SYN3: variants seen among roughly 807,000 people sequenced by gnomAD.
SYN3 encodes the protein synapsin-3.
SYN3 carries 35 observed loss-of-function variants against 65.8 expected under a neutral mutation model. That is an observed-to-expected ratio of 0.53 (90% confidence interval 0.41 to 0.70). The LOEUF (loss-of-function observed/expected upper bound fraction) is 0.70. SYN3 is among the 30% of genes least tolerant of loss of function. The pLI, the probability that SYN3 is intolerant of heterozygous loss-of-function variation, is 0.00. For synonymous variants in SYN3, 270 were observed against 292.9 expected, an observed-to-expected ratio of 0.92 and a Z score of 0.80; for missense variants, 680 against 749.0, an observed-to-expected ratio of 0.91 and a Z score of 1.08.
chr22:32,837,183 G>A lies in SYN3; in HGVS notation c.711+27732C>T, dbSNP rs993715853. Among the ~76,000 whole-genome samples the A allele has an allele frequency of 2.4e-4, 37 of 152,214 alleles. No individual in the cohort carries two copies. The highest frequency in any genetic ancestry group is 8.2e-4 in the African/African-American group (34 of 41,468). ...CTGAAAGCTGGAAGTTCTGAGAACC[G>A]TTTGAGGGCATGGTATTTTTCTGGG... On this transcript the variant is annotated intron_variant, in intron 6 of 13. Transcript: ENST00000358763. The surrounding 1 kb of genome is among the most constrained non-coding windows in gnomAD (Gnocchi z 4.1).
intron 1 of SYN3, among the ~76,000 whole-genome samples, chr22:33,033,551 A>G (rs1234859127): frequency 6.6e-6 from 1 of 151,900 alleles, no homozygotes; most frequent in Non-Finnish European, 1.5e-5. Context: ...AGACTCCCCC[A>G]TGGAATGGCC....
intron 6 of SYN3, among the ~76,000 whole-genome samples, chr22:32,714,753 C>T (rs954717867): frequency 1.3e-5 from 2 of 152,192 alleles, no homozygotes; most frequent in Non-Finnish European, 2.9e-5. Context: ...CTGCTACTTC[C>T]TGGCTGTATG....
chr22:32,757,274 A>T (rs2045318601), intron 6 of SYN3, among the ~76,000 whole-genome samples: 2 of 148,536 alleles, frequency 1.3e-5, no homozygotes, highest in Admixed American at 1.3e-4. Flanking sequence ...TGCCATCTGG[A>T]CACTTTGGGC....
chr22:32,965,976 G>A (rs752416695), intron 3 of SYN3, among the ~76,000 whole-genome samples: 2 of 152,112 alleles, frequency 1.3e-5, no homozygotes, highest in African/African-American at 4.8e-5. Flanking sequence ...TTACAGGCAC[G>A]GGCCACCGCG....
intron 3 of SYN3, among the ~76,000 whole-genome samples, chr22:32,970,836 G>C (rs2051998133): frequency 6.6e-6 from 1 of 152,262 alleles, no homozygotes. Flanking sequence ...AAGCTGGAAG[G>C]GGAAAGGCAA....
At chr22:32,622,453 T>C (rs2059608465) in intron 6 of SYN3, among the ~76,000 whole-genome samples, 2 of 152,118 alleles carry the variant, frequency 1.3e-5, no homozygotes, top group South Asian at 4.1e-4. Context: ...CTTTATTGAT[T>C]TGGGACCTGG....
chr22:32,751,228 G>A (rs2045112403), intron 6 of SYN3, among the ~76,000 whole-genome samples: 1 of 152,136 alleles, frequency 6.6e-6, no homozygotes, highest in Non-Finnish European at 1.5e-5. Flanking sequence ...ACCAGCTGTA[G>A]GTCAAATTAG....
chr22:32,596,723 T>G lies in SYN3; in HGVS notation c.725A>C (p.His242Pro), dbSNP rs556300734. 2.2e-5 allele frequency: 36 copies of G among 1,613,636 alleles called. No individual in the cohort carries two copies. In the East Asian group the frequency reaches 7.1e-4, roughly 32 times the overall value. The change falls in exon 7 of 14, where the codon CAC (histidine) becomes CCC (proline). Residue 242 changes from histidine to proline, a missense_variant. Coordinates refer to ENST00000358763, the MANE Select transcript of SYN3 (RefSeq NM_003490.4). ...TCCCAGCTTGACTACCACCGGGAAG[T>G]GTGGGGCTGTGACCTGAAAGAGACA... is the stretch of plus-strand genomic sequence containing the variant. Reference protein sequence around the residue: ...PNHKPMVTAPHFPVVVKLGHA... With the variant: ...PNHKPMVTAPPFPVVVKLGHA...
chr22:32,524,352 G>A (rs7285820), intron 12 of SYN3, among the ~76,000 whole-genome samples: 2,504 of 152,270 alleles, frequency 0.016, 67 homozygotes, highest in African/African-American at 0.057. Context: ...CTCTTGTTGG[G>A]GCTAGTGCAG....
intron 3 of SYN3, among the ~76,000 whole-genome samples, chr22:32,956,869 G>T (rs1412130160): frequency 6.6e-6 from 1 of 152,204 alleles, no homozygotes; most frequent in Non-Finnish European, 1.5e-5. Context: ...GTTCTCCACA[G>T]TGGCTGCCTC....
chr22:32,880,134 T>C (rs1433569252), intron 4 of SYN3, among the ~76,000 whole-genome samples: 1 of 152,240 alleles, frequency 6.6e-6, no homozygotes, highest in African/African-American at 2.4e-5. Context: ...CAGGTGTTAC[T>C]GGTTTGTAAG....
chr22:32,888,780 G>T (rs1392485273), intron 4 of SYN3, among the ~76,000 whole-genome samples: 1 of 152,156 alleles, frequency 6.6e-6, no homozygotes, highest in Non-Finnish European at 1.5e-5. Flanking sequence ...AATGGAAATG[G>T]TCACTGGAGC....
chr22:32,737,354 T>C (rs370608150), intron 6 of SYN3, among the ~76,000 whole-genome samples: 3 of 152,276 alleles, frequency 2.0e-5, no homozygotes, highest in South Asian at 4.1e-4. Flanking sequence ...TTAGGGTACA[T>C]GTGCACAACG....
intron 6 of SYN3, among the ~76,000 whole-genome samples, chr22:32,709,931 T>C (rs964820302): frequency 6.6e-6 from 1 of 151,960 alleles, no homozygotes; most frequent in Non-Finnish European, 1.5e-5. Flanking sequence ...GGTAGTTATT[T>C]AGGTTACTTC....
chr22:32,551,773 G>A (rs1263600727), intron 7 of SYN3, among the ~76,000 whole-genome samples: 1 of 152,166 alleles, frequency 6.6e-6, no homozygotes, highest in African/African-American at 2.4e-5. Context: ...ATATTTATGG[G>A]TGAAATGACT....
intron 7 of SYN3, among the ~76,000 whole-genome samples, chr22:32,589,031 T>TA (rs1191330474): frequency 6.6e-6 from 1 of 152,142 alleles, no homozygotes; most frequent in Non-Finnish European, 1.5e-5. Flanking sequence ...TGCATGTAAT[T>TA]AAAATGGGTA....
intron 12 of SYN3, among the ~76,000 whole-genome samples, chr22:32,524,627 A>T (rs1847674969): frequency 6.6e-6 from 1 of 152,258 alleles, no homozygotes. Flanking sequence ...GATGTACAAG[A>T]TAATTTTGTT....
intron 6 of SYN3, among the ~76,000 whole-genome samples, chr22:32,757,052 T>C (rs374346140): frequency 2.9e-4 from 15 of 51,236 alleles, no homozygotes; most frequent in African/African-American, 2.1e-3. Flanking sequence ...GGTTGCACTT[T>C]TTTTTGAGGG....
intron 4 of SYN3, among the ~76,000 whole-genome samples, chr22:32,892,443 G>C (rs563430951): frequency 6.6e-6 from 1 of 152,194 alleles, no homozygotes; most frequent in African/African-American, 2.4e-5. Context: ...TGGTTTTGTA[G>C]GATAGTGTGG....
Sources: allele counts gnomAD v4.1 joint callset (sites outside exome capture counted in the v4.1 genomes callset), GRCh38; gene constraint gnomAD v4.1.1; non-coding constraint Gnocchi (gnomAD v3.1); transcripts MANE v1.5; gene names NCBI Gene and HGNC (gene_info 2026-07-23, HGNC 2026-07-21).